Variants in NBPF20 observed in about 807,000 individuals in gnomAD.
The protein encoded by NBPF20 is NBPF family member NBPF20.
A neutral mutation model predicts 68.1 loss-of-function variants in NBPF20; 90 were observed. That is an observed-to-expected ratio of 1.32 (90% CI 1.11 to 1.58). The LOEUF (loss-of-function observed/expected upper bound fraction) is 1.58, where lower values mean the gene tolerates loss of function less well. Among genes scored for constraint, NBPF20 ranks in the 40% most tolerant of loss-of-function variants. The probability of loss-of-function intolerance (pLI) is 0.00; values close to 1 mark genes in which losing one functional copy is unlikely to be tolerated. For synonymous variants in NBPF20, 290 were observed against 228.1 expected (o/e 1.27, Z -2.45); for missense variants, 816 against 601.2 (o/e 1.36, Z -3.74).
intron 83 of NBPF20, among the ~76,000 whole-genome samples, chr1:145,334,917 A>T (rs1661563255): frequency 1.5e-5 from 2 of 129,356 alleles, no homozygotes; most frequent in South Asian, 5.4e-4. Flanking sequence ...GTCAAAGGAC[A>T]CTCTGAGTTA....
intron 136 of NBPF20, among the ~76,000 whole-genome samples, chr1:145,292,898 C>A (rs1295191071): frequency 2.6e-5 from 1 of 37,868 alleles, no homozygotes; most frequent in African/African-American, 1.4e-4. Context: ...AAAAGGAAAT[C>A]TACAAACCCT....
chr1:145,377,730 T>G (rs1445431937), intron 29 of NBPF20, among the ~76,000 whole-genome samples: 5 of 96,710 alleles, frequency 5.2e-5, no homozygotes, highest in East Asian at 4.2e-4. Context: ...TCTGAGTTAG[T>G]GCCCTCGGGA....
At chr1:145,415,671 CCT>C in the NBPF20 span, among the ~76,000 whole-genome samples, 1 of 150,668 alleles carries the variant, frequency 6.6e-6, no homozygotes, top group African/African-American at 2.4e-5. Flanking sequence ...TCCATTTAAC[CCT>C]GAGTTGACAC....
At chr1:145,410,771 T>C in the NBPF20 span, among the ~76,000 whole-genome samples, 3 of 135,804 alleles carry the variant, frequency 2.2e-5, no homozygotes, top group African/African-American at 8.3e-5. Context: ...TATACGTATA[T>C]ATATATATAC....
chr1:145,291,216 T>A, exon 138 of NBPF20: 2 of 517,678 alleles, frequency 3.9e-6, no homozygotes, highest in South Asian at 2.1e-5. Context: ...CTCAGAGACA[T>A]GCCTGCAAAA....
At chr1:145,291,489 C>T (rs782529462) in exon 138 of NBPF20, 2 of 1,611,998 alleles carry the variant, frequency 1.2e-6, no homozygotes, top group Admixed American at 1.7e-5. Context: ...TAGGTCCTGC[C>T]TGCAGGAATG....
At chr1:145,415,266 G>A in the NBPF20 span, among the ~76,000 whole-genome samples, 2 of 151,712 alleles carry the variant, frequency 1.3e-5, no homozygotes, top group African/African-American at 4.8e-5. Flanking sequence ...CAGTCCTAAG[G>A]CGGTTTTCTC....
chr1:145,407,881 C>T (rs587749211), upstream of NBPF20: 705 of 157,892 alleles, frequency 4.5e-3, 7 homozygotes, highest in Non-Finnish European at 6.2e-3. Flanking sequence ...CTCAACATCA[C>T]GCCAGCTGAG....
At chr1:145,405,695 C>A, upstream of NBPF20, 2 of 538,146 alleles carry the variant, frequency 3.7e-6, no homozygotes, top group Non-Finnish European at 6.5e-6. Context: ...CAATGGGGAT[C>A]ATTCCTTCAG....
chr1:145,394,617 G>C (rs1266188833), intron 8 of NBPF20, among the ~76,000 whole-genome samples: 2 of 152,032 alleles, frequency 1.3e-5, no homozygotes, highest in African/African-American at 2.4e-5. Flanking sequence ...AAACTCATAA[G>C]GAATTTTGTA....
chr1:145,409,464 A>G (rs1208580030), upstream of NBPF20, among the ~76,000 whole-genome samples: 11 of 151,090 alleles, frequency 7.3e-5, no homozygotes, highest in Non-Finnish European at 8.9e-5. Flanking sequence ...CCCTTATACA[A>G]AGGCTGGAAT....
the NBPF20 span, among the ~76,000 whole-genome samples, chr1:145,416,077 G>A: frequency 6.6e-6 from 1 of 151,366 alleles, no homozygotes; most frequent in Non-Finnish European, 1.5e-5. Flanking sequence ...GTTGCAGTGA[G>A]CTGAGATGGC....
At chr1:145,402,899 T>G (rs1662591909) in intron 3 of NBPF20, among the ~76,000 whole-genome samples, 1 of 150,766 alleles carries the variant, frequency 6.6e-6, no homozygotes, top group Non-Finnish European at 1.5e-5. Flanking sequence ...AGTGGGGTGG[T>G]GATGGCACAC....
chr1:145,424,241 G>C, the NBPF20 span, among the ~76,000 whole-genome samples: 4 of 149,914 alleles, frequency 2.7e-5, no homozygotes, highest in Admixed American at 6.7e-5. Context: ...GTCCCAAAGT[G>C]CTGGGATTAC....
In NBPF20 at chr1:145,341,091, T is replaced by A. The variant is rs1350050125; in HGVS notation, c.9096-152A>T. Reference sequence around the variant, plus strand: ...ACAAATTATTGCCTTTATGTTGGGATAGAACAGGGCCAGGTAGAAAACAAT... The same window carrying A: ...ACAAATTATTGCCTTTATGTTGGGAAAGAACAGGGCCAGGTAGAAAACAAT... On this transcript the variant is annotated intron_variant, in intron 75 of 137. Transcript: ENST00000369373. 2.6e-5 allele frequency among the ~76,000 whole-genome samples: 2 copies of A among 77,406 alleles called. 1 individual carries two copies. Among genetic ancestry groups the A allele is most frequent in the Non-Finnish European group, 6.3e-5 (2 of 31,856 alleles). The allele number at this position is 77,406 out of a possible 152,430, so 50.8% of individuals were successfully genotyped here.
the NBPF20 span, among the ~76,000 whole-genome samples, chr1:145,411,470 T>C: frequency 1.6e-4 from 18 of 115,768 alleles, no homozygotes; most frequent in African/African-American, 4.3e-4. Flanking sequence ...CGGCTCACTG[T>C]AACCTCTGCC....
chr1:145,425,220 GC>G, the NBPF20 span, among the ~76,000 whole-genome samples: 36 of 140,974 alleles, frequency 2.6e-4, no homozygotes, highest in South Asian at 4.9e-3. Flanking sequence ...CGGAACACAC[GC>G]CCCCCCCAAC....
At chr1:145,393,726 A>T (rs1571360786) in intron 9 of NBPF20, 158 bp downstream of exon 14, 6 of 1,504,276 alleles carry the variant, frequency 4.0e-6, no homozygotes, top group Admixed American at 1.7e-5. Flanking sequence ...GGAAACCTAA[A>T]CATGTACTCT....
exon 138 of NBPF20, chr1:145,291,321 T>G (rs587706233): frequency 5.2e-6 from 4 of 769,176 alleles, no homozygotes; most frequent in South Asian, 1.8e-5. Context: ...CACAGTTATG[T>G]GAACGTGTCA....
Sources: gnomAD v4.1 joint callset for allele counts (sites outside exome capture counted in the v4.1 genomes callset) on GRCh38, gnomAD v4.1.1 for gene constraint, MANE v1.5 for transcripts, NCBI Gene and HGNC (gene_info 2026-07-23, HGNC 2026-07-21) for gene names.